Variants in ZCCHC14 observed in about 807,000 individuals in gnomAD.
The protein encoded by ZCCHC14 is zinc finger CCHC-type containing 14.
In ZCCHC14, 16 loss-of-function variants were observed where a neutral mutation model predicts 85.0. That is an observed-to-expected ratio of 0.19 (90% confidence interval 0.13 to 0.29). The LOEUF (loss-of-function observed/expected upper bound fraction) is 0.29. Among genes scored for constraint, ZCCHC14 ranks in the 10% least tolerant of loss-of-function variants. The probability of loss-of-function intolerance (pLI) is 1.00; values close to 1 mark genes in which losing one functional copy is unlikely to be tolerated. For synonymous variants in ZCCHC14, 775 were observed against 630.7 expected (o/e 1.23, Z -3.43); for missense variants, 1,303 against 1,443.5 (o/e 0.90, Z 1.58).
chr16:87,443,574 A>G (rs1028963080), intron 2 of ZCCHC14, among the ~76,000 whole-genome samples: 1 of 152,136 alleles, frequency 6.6e-6, no homozygotes, highest in Non-Finnish European at 1.5e-5. Flanking sequence ...CATTTCTACT[A>G]AAAATTTAAA....
At position 87,491,932 on chromosome 16, in the gene ZCCHC14, C is replaced by T; in HGVS notation, c.307G>A (p.Gly103Ser). 6.8e-7 allele frequency: 1 copy of T among 1,471,136 alleles called. No individual in the cohort carries two copies. The highest frequency in any genetic ancestry group is 9.0e-7 in the Non-Finnish European group (1 of 1,117,042). The allele number at this position is 1,471,136 out of a possible 1,614,324, so 91.1% of individuals were successfully genotyped here. A position where few individuals can be genotyped will look rare whatever the true frequency, so the allele number is the denominator to read the frequency against. ...LLGSEQREAA[G>S]VLYRTLTHID... is the part of the protein sequence containing the mutation. ...TGCGTGAGCGTGCGGTAGAGCACGC[C>T]CGCCGCCTCGCGCTGCTCCGAGCCC... The change falls in exon 1 of 13, where the codon GGC becomes AGC. Residue 103 changes from glycine to serine, a missense_variant. Physicochemically the swap from Gly to Ser is moderately conservative, Grantham distance 56. Around this residue, in one of 7 missense-constraint regions of ZCCHC14, gnomAD observed 19 missense variants for 55.1 expected, o/e 0.34. Transcript: ENST00000671377. This position sits in a 1 kb window ranked among gnomAD's most constrained non-coding sequence, Gnocchi z 5.9.
chr16:87,449,782 C>T (rs1038044709), intron 2 of ZCCHC14, among the ~76,000 whole-genome samples: 3 of 152,168 alleles, frequency 2.0e-5, no homozygotes, highest in Non-Finnish European at 4.4e-5. Flanking sequence ...TGGGGGCTCA[C>T]GCTTGTGATC....
In ZCCHC14 at chr16:87,412,331, T is replaced by C; in HGVS notation, c.2390A>G (p.Asn797Ser). 1.2e-6 allele frequency: 2 copies of C among 1,614,058 alleles called. No individual in the cohort carries two copies. The highest frequency in any genetic ancestry group is 1.7e-6 in the Non-Finnish European group (2 of 1,180,030). Residue 797 changes from asparagine (N) to serine (S), a missense_variant, in exon 12 of 13, where the codon AAT becomes AGT. Physicochemically the swap from Asn to Ser is conservative, Grantham distance 46. This residue lies in a region of ZCCHC14 where 797 missense variants were observed against 730.8 expected (regional missense o/e 1.09). Transcript: ENST00000671377. Reference sequence around the variant, plus strand: ...TGCAGGGGGCACACTTATTTGCACATTATTAGGACAGGAAGTTTGCCCAGA... The same window carrying C: ...TGCAGGGGGCACACTTATTTGCACACTATTAGGACAGGAAGTTTGCCCAGA... ...AISGQTSCPN[N>S]VQISVPPAII...
chr16:87,453,170 C>T (rs1449577623), intron 2 of ZCCHC14, among the ~76,000 whole-genome samples: 1 of 152,230 alleles, frequency 6.6e-6, no homozygotes, highest in African/African-American at 2.4e-5. Flanking sequence ...GGGGACAAAG[C>T]CATGCTTGGG....
At chr16:87,423,980 G>GA in intron 3 of ZCCHC14, 99 bp from the exon 4 acceptor site, 1 of 1,317,030 alleles carries the variant, frequency 7.6e-7, no homozygotes, top group Non-Finnish European at 1.1e-6. Flanking sequence ...TCAGTCGGCA[G>GA]CTGAGCCCAG....
At chr16:87,456,496 G>T (rs1161365178) in intron 2 of ZCCHC14, among the ~76,000 whole-genome samples, 1 of 120,078 alleles carries the variant, frequency 8.3e-6, no homozygotes, top group Non-Finnish European at 1.6e-5. Context: ...TTGCGCCACT[G>T]CACTCCAGCC....
intron 1 of ZCCHC14, among the ~76,000 whole-genome samples, chr16:87,477,971 C>T (rs190053172): frequency 1.6e-4 from 25 of 151,704 alleles, no homozygotes; most frequent in African/African-American, 5.8e-4. Context: ...CTCCCGAGTC[C>T]GCTGCCCATC....
In ZCCHC14 at chr16:87,471,745, C is replaced by T. The variant is rs550939067; in HGVS notation, c.571-11614G>A. 7 of 152,284 alleles carry T rather than the reference C, an allele frequency of 4.6e-5. No individual in the cohort carries two copies. The South Asian group carries it at 1.2e-3, about 27-fold the overall frequency. 9.4% of individuals were successfully genotyped at this position (152,284 alleles called of 1,614,324 possible). Reference sequence around the variant, plus strand: ...TGTAGAAACAGAGGGAGTCTAAAGTCGAGAGCCCTAGGGAGGCTAAAGACA... The same window carrying T: ...TGTAGAAACAGAGGGAGTCTAAAGTTGAGAGCCCTAGGGAGGCTAAAGACA... On this transcript the variant is annotated intron_variant, in intron 1 of 12. Transcript: ENST00000671377.
In ZCCHC14 at chr16:87,492,205, C is replaced by A; in HGVS notation, c.34G>T (p.Gly12Cys). 2 of 984,874 alleles carry A rather than the reference C, an allele frequency of 2.0e-6. No homozygotes were observed. The highest frequency in any genetic ancestry group is 2.4e-6 in the Non-Finnish European group (2 of 829,776). 61.0% of individuals were successfully genotyped at this position (984,874 alleles called of 1,614,324 possible). ...VEKRCPLQRD[G>C]VYRWFSELPS... is the part of the protein sequence containing the mutation. ...AGCTCCGAGAACCAGCGGTACACGC[C>A]GTCCCTCTGCAGCGGGCAGCGCTTC... The change falls in exon 1 of 13, where the codon GGC becomes TGC. Residue 12 changes from glycine to cysteine, a missense_variant. By Grantham distance (159) the Gly-to-Cys change is radical. Transcript: ENST00000671377. This position sits in a 1 kb window ranked among gnomAD's most constrained non-coding sequence, Gnocchi z 6.7.
chr16:87,481,055 A>T (rs184348371), intron 1 of ZCCHC14, among the ~76,000 whole-genome samples: 11 of 152,250 alleles, frequency 7.2e-5, no homozygotes, highest in Admixed American at 3.9e-4. Flanking sequence ...CAATGACACA[A>T]GGGAACTGAT....
chr16:87,413,646 C>G (rs1908608890), intron 10 of ZCCHC14, among the ~76,000 whole-genome samples: 1 of 152,080 alleles, frequency 6.6e-6, no homozygotes, highest in African/African-American at 2.4e-5. Flanking sequence ...TCTTGTGAGA[C>G]AACGGAGCAA....
At chr16:87,433,449 C>T (rs1416281334) in intron 2 of ZCCHC14, among the ~76,000 whole-genome samples, 5 of 152,124 alleles carry the variant, frequency 3.3e-5, no homozygotes, top group South Asian at 2.1e-4. Flanking sequence ...AGGGCAGGAA[C>T]GGCACTGGAG....
At chr16:87,423,912 A>G in intron 3 of ZCCHC14, 31 bp from the exon 4 acceptor site, 2 of 1,610,118 alleles carry the variant, frequency 1.2e-6, no homozygotes, top group Non-Finnish European at 1.7e-6. Context: ...CAAACCTTAG[A>G]AACAGACACC....
chr16:87,476,529 G>A (rs1322687452), intron 1 of ZCCHC14, among the ~76,000 whole-genome samples: 1 of 151,972 alleles, frequency 6.6e-6, no homozygotes, highest in East Asian at 1.9e-4. Flanking sequence ...ACAAGGCGGG[G>A]TACGGTATTA....
chr16:87,473,960 G>C (rs1911889364), intron 1 of ZCCHC14: 1 of 152,120 alleles, frequency 6.6e-6, no homozygotes, highest in African/African-American at 2.4e-5. Flanking sequence ...TATGAACAAG[G>C]CATCGCTGCT....
intron 10 of ZCCHC14, 76 bp from the exon 11 acceptor site, chr16:87,413,271 C>A: frequency 6.9e-7 from 1 of 1,445,268 alleles, no homozygotes; most frequent in South Asian, 1.4e-5. Flanking sequence ...CCCTGCATCG[C>A]ACTGTCGGCA....
intron 4 of ZCCHC14, among the ~76,000 whole-genome samples, chr16:87,422,969 CA>C (rs1479670982): frequency 1.3e-5 from 2 of 152,120 alleles, no homozygotes; most frequent in Non-Finnish European, 2.9e-5. Flanking sequence ...CCCAAGAGGC[CA>C]AAAAGATAAG....
chr16:87,485,533 C>T (rs1401928806), intron 1 of ZCCHC14, among the ~76,000 whole-genome samples: 1 of 148,334 alleles, frequency 6.7e-6, no homozygotes, highest in Admixed American at 6.8e-5. Flanking sequence ...AGGTAACTTG[C>T]AGCTACACTT....
At chr16:87,480,705 C>A (rs1236247902) in intron 1 of ZCCHC14, among the ~76,000 whole-genome samples, 1 of 152,158 alleles carries the variant, frequency 6.6e-6, no homozygotes, top group Non-Finnish European at 1.5e-5. Context: ...CTGCTAGGCT[C>A]TAGTGATTTA....
Sources: allele counts gnomAD v4.1 joint callset (sites outside exome capture counted in the v4.1 genomes callset), GRCh38; gene constraint gnomAD v4.1.1; regional missense constraint gnomAD v4.1.1; non-coding constraint Gnocchi (gnomAD v3.1); transcripts MANE v1.5; gene names NCBI Gene and HGNC (gene_info 2026-07-23, HGNC 2026-07-21).